The following SOAT1 variants were observed in gnomAD, a reference collection of about 807,000 sequenced individuals.
SOAT1 encodes sterol O-acyltransferase 1.
In SOAT1, 55 loss-of-function variants were observed where a neutral mutation model predicts 69.5. The observed-to-expected ratio is 0.79, with a 90% CI of 0.64 to 0.99. The LOEUF is 0.99. Among genes scored for constraint, SOAT1 ranks in the 50% least tolerant of loss-of-function variants. The probability of loss-of-function intolerance (pLI) is 0.00; values close to 1 mark genes in which losing one functional copy is unlikely to be tolerated. For synonymous variants in SOAT1, 231 were observed against 224.7 expected (o/e 1.03, Z -0.25); for missense variants, 580 against 669.3 (o/e 0.87, Z 1.47).
Position 179,326,313 on chromosome 1 carries a change from A to T in SOAT1, c.177+2818A>T, listed in dbSNP as rs1215406286. Among the ~76,000 whole-genome samples, 4 of 152,166 alleles carry T rather than the reference A, an allele frequency of 2.6e-5. No individual in the cohort carries two copies. In the East Asian group the frequency reaches 7.7e-4, roughly 29 times the overall value. On this transcript the variant is annotated intron_variant, in intron 3 of 15. Coordinates refer to ENST00000367619, the MANE Select transcript of SOAT1 (RefSeq NM_003101.6). ...CTAGGTCAAATCTTGCTGCTTCTAC[A>T]GTTTTCTGAACATTGCAGTTGAAAT...
intron 15 of SOAT1, among the ~76,000 whole-genome samples, chr1:179,352,771 C>T (rs553437845): frequency 6.6e-6 from 1 of 151,590 alleles, no homozygotes; most frequent in East Asian, 1.9e-4. Context: ...TCCAAAGCTT[C>T]CCCTCTTTCT....
At chr1:179,310,280 A>C in intron 2 of SOAT1, among the ~76,000 whole-genome samples, 1 of 67,236 alleles carries the variant, frequency 1.5e-5, no homozygotes, top group African/African-American at 4.9e-5. Context: ...TTTTTTTTTT[A>C]CTTTTGTGGT....
intron 14 of SOAT1, among the ~76,000 whole-genome samples, chr1:179,350,691 A>G (rs774607693): frequency 1.1e-4 from 16 of 152,222 alleles, no homozygotes; most frequent in Middle Eastern, 3.2e-3. Context: ...ATAGGTCATA[A>G]AAGTTATCTA....
chr1:179,327,689 G>A (rs1162832091), intron 3 of SOAT1, among the ~76,000 whole-genome samples: 3 of 152,104 alleles, frequency 2.0e-5, no homozygotes, highest in Non-Finnish European at 2.9e-5. Flanking sequence ...GCCAAATTGG[G>A]CAACCAACAA....
At chr1:179,353,097 A>G (rs1666787821) in intron 15 of SOAT1, among the ~76,000 whole-genome samples, 1 of 136,748 alleles carries the variant, frequency 7.3e-6, no homozygotes, top group African/African-American at 2.7e-5. Flanking sequence ...AGTCATTTAT[A>G]TATGTGTATA....
chr1:179,327,157 G>A (rs554959708), intron 3 of SOAT1, among the ~76,000 whole-genome samples: 5 of 152,268 alleles, frequency 3.3e-5, no homozygotes, highest in Non-Finnish European at 7.4e-5. Context: ...AGCCTTATTG[G>A]TTGACATTTA....
chr1:179,311,640 C>T (rs1665226048), intron 2 of SOAT1, among the ~76,000 whole-genome samples: 1 of 152,030 alleles, frequency 6.6e-6, no homozygotes, highest in South Asian at 2.1e-4. Context: ...TACTATGTAA[C>T]TTTAAAAAAT....
rs5779019 is a variant in SOAT1, at chr1:179,302,025, C to CTT, written c.-8-637_-8-636dup. On this transcript the variant is annotated intron_variant, in intron 1 of 15. Coordinates refer to ENST00000367619, the MANE Select transcript of SOAT1 (RefSeq NM_003101.6). Reference sequence around the variant, plus strand: ...TGTAGTTACCTGTTACTATTTAATCCTTTTTTTTTTTTTTTTACATACTTA... The same window carrying CTT: ...TGTAGTTACCTGTTACTATTTAATCCTTTTTTTTTTTTTTTTTTACATACTTA... 8.9e-3 allele frequency among the ~76,000 whole-genome samples: 1,266 copies of CTT among 141,918 alleles called. 25 individuals carry two copies. The highest frequency in any genetic ancestry group is 0.031 in the African/African-American group (1,189 of 38,740). 93.1% of individuals were successfully genotyped at this position (141,918 alleles called of 152,430 possible). A position where few individuals can be genotyped will look rare whatever the true frequency, so the allele number is the denominator to read the frequency against.
At position 179,347,649 on chromosome 1, in the gene SOAT1, C is replaced by T. The variant is rs1419093179; in HGVS notation, c.1167C>T (p.Leu389=). ...TTTTTGCCTTTTTGCACTGCTGGCT[C>T]AATGCCTTTGCTGAGATGTTACGCT... is the stretch of plus-strand genomic sequence containing the variant. ...LTFFAFLHCW[L]NAFAEMLRFG... Residue 389 remains leucine, a synonymous_variant, in exon 12 of 16, where the codon CTC becomes CTT. Transcript: ENST00000367619. 1 of 1,613,536 alleles carries T rather than the reference C, an allele frequency of 6.2e-7. No homozygotes were observed. Among genetic ancestry groups the T allele is most frequent in the Non-Finnish European group, 8.5e-7 (1 of 1,179,598 alleles).
At chr1:179,328,793 C>T (rs1665870822) in intron 3 of SOAT1, among the ~76,000 whole-genome samples, 1 of 152,120 alleles carries the variant, frequency 6.6e-6, no homozygotes, top group Admixed American at 6.5e-5. Flanking sequence ...CCTGTAATCG[C>T]AGCACTTTGG....
At chr1:179,343,903 G>T (rs951404891) in intron 10 of SOAT1, among the ~76,000 whole-genome samples, 1 of 152,056 alleles carries the variant, frequency 6.6e-6, no homozygotes, top group Non-Finnish European at 1.5e-5. Flanking sequence ...TGGGCAGATC[G>T]CGAGGTCAGG....
intron 9 of SOAT1, 138 bp from the exon 10 acceptor site, chr1:179,343,452 C>T: frequency 1.6e-6 from 1 of 618,974 alleles, no homozygotes. Flanking sequence ...GTCTCGAACT[C>T]CTGGTCACTG....
At chr1:179,295,911 C>T (rs947635732) in intron 1 of SOAT1, among the ~76,000 whole-genome samples, 3 of 145,912 alleles carry the variant, frequency 2.1e-5, no homozygotes, top group African/African-American at 2.6e-5. Context: ...AGCGATTCTC[C>T]GCCTCAGCCT....
chr1:179,334,174 G>A (rs1666067535), intron 3 of SOAT1, among the ~76,000 whole-genome samples: 1 of 152,230 alleles, frequency 6.6e-6, no homozygotes, highest in Non-Finnish European at 1.5e-5. Flanking sequence ...TAGTCTTTTA[G>A]AGAGGTTTTG....
intron 2 of SOAT1, among the ~76,000 whole-genome samples, chr1:179,304,553 C>G (rs937522255): frequency 6.6e-6 from 1 of 151,788 alleles, no homozygotes; most frequent in Middle Eastern, 3.5e-3. Context: ...GCTGGGATTA[C>G]AGGTGTGAGC....
chr1:179,312,309 G>A (rs1180705503), intron 2 of SOAT1, among the ~76,000 whole-genome samples: 1 of 152,124 alleles, frequency 6.6e-6, no homozygotes, highest in East Asian at 1.9e-4. Context: ...TGGCATGGTG[G>A]GTCCAGGAAA....
chr1:179,317,329 C>T (rs984899842), intron 2 of SOAT1, among the ~76,000 whole-genome samples: 1 of 152,038 alleles, frequency 6.6e-6, no homozygotes, highest in Non-Finnish European at 1.5e-5. Flanking sequence ...GTCAGGAGAT[C>T]GAGACCATCC....
Position 179,343,593 on chromosome 1 carries a change from TC to T in SOAT1, c.948del (p.Thr317LeufsTer2). ...TTTTTGTTTCTTTCTTTTTCAGGAA[TC>T]CCACTGTAAGATGGGGTTATGTCGC... ...LIYRDSYPRN[P>X]TVRWGYVAMK... On this transcript the variant is annotated frameshift_variant, in exon 10 of 16. Coordinates refer to ENST00000367619, the MANE Select transcript of SOAT1 (RefSeq NM_003101.6). LOFTEE classifies it high-confidence loss of function. 1 of 1,609,864 alleles carries T rather than the reference TC, an allele frequency of 6.2e-7. No homozygotes were observed. Among genetic ancestry groups the T allele is most frequent in the Non-Finnish European group, 8.5e-7 (1 of 1,177,354 alleles).
At chr1:179,326,550 CTTTTTTTTTTTTTT>C (rs10568516) in intron 3 of SOAT1, among the ~76,000 whole-genome samples, 70,461 of 114,970 alleles carry the variant, frequency 0.61, 18,957 homozygotes, top group East Asian at 0.87. Flanking sequence ...AATTTCTTTT[CTTTTTTTTTTTTTT>C]TTTTTTTTTT....
Sources: gnomAD v4.1 joint callset for allele counts (sites outside exome capture counted in the v4.1 genomes callset) on GRCh38, gnomAD v4.1.1 for gene constraint, MANE v1.5 for transcripts, NCBI Gene and HGNC (gene_info 2026-07-23, HGNC 2026-07-21) for gene names.